Variants in MARK4 observed in about 807,000 individuals in gnomAD.
The protein encoded by MARK4 is MAP/microtubule affinity-regulating kinase 4.
A neutral mutation model predicts 81.5 loss-of-function variants in MARK4; 19 were observed. The ratio of observed to expected loss-of-function variants is 0.23; its 90% CI spans 0.16 to 0.34. The LOEUF (loss-of-function observed/expected upper bound fraction) is 0.34. Among genes scored for constraint, MARK4 ranks in the 10% least tolerant of loss-of-function variants. The pLI, the probability that MARK4 is intolerant of heterozygous loss-of-function variation, is 1.00. For synonymous variants in MARK4, 436 were observed against 439.0 expected, an observed-to-expected ratio of 0.99 and a Z score of 0.08; for missense variants, 772 against 1,058.8, an observed-to-expected ratio of 0.73 and a Z score of 3.76.
intron 14 of MARK4, 56 bp from the exon 15 acceptor site, chr19:45,297,620 C>G: frequency 8.7e-7 from 1 of 1,151,360 alleles, no homozygotes; most frequent in Non-Finnish European, 1.2e-6. Context: ...ATCAAAGGGA[C>G]TGGGGCCCTG....
At position 45,302,290 on chromosome 19, in the gene MARK4, C is replaced by T. The variant is rs344800; in HGVS notation, c.1923-84C>T. On this transcript the variant is annotated intron_variant, in intron 16 of 16. Transcript: ENST00000262891. This position sits in a 1 kb window ranked among gnomAD's most constrained non-coding sequence, Gnocchi z 4.9. ...TGAGGGGATGGCTAGGAATGTGTCC[C>T]GAATTGGGAAGAGTTGTCCCTTCAG... is the stretch of plus-strand genomic sequence containing the variant. 4,747 of 1,594,556 alleles carry T rather than the reference C, an allele frequency of 3.0e-3. 95 individuals carry two copies. The African/African-American group carries it at 0.052, about 17-fold the overall frequency.
chr19:45,287,380 C>A, intron 12 of MARK4, 67 bp from the exon 13 acceptor site: 1 of 1,141,594 alleles, frequency 8.8e-7, no homozygotes, highest in Non-Finnish European at 1.2e-6. Context: ...CAGGTTCCAA[C>A]GATCCCCCAG....
Position 45,258,763 on chromosome 19 carries a change from G to A in MARK4, c.52-226G>A, listed in dbSNP as rs544024740. On this transcript the variant is annotated intron_variant, in intron 1 of 16. Coordinates refer to ENST00000262891, the MANE Select transcript of MARK4 (RefSeq NM_001199867.2). Reference sequence around the variant, plus strand: ...GACTGCAGTGAGGGTTGAAGAAGGGGTGTGATGCCTGGGGCCCTGAATGTT... The same window carrying A: ...GACTGCAGTGAGGGTTGAAGAAGGGATGTGATGCCTGGGGCCCTGAATGTT... 12 of 557,034 alleles carry A rather than the reference G, an allele frequency of 2.2e-5. No homozygotes were observed. In the South Asian group the frequency reaches 2.5e-4, roughly 12 times the overall value. The allele number at this position is 557,034 out of a possible 1,614,324, so 34.5% of individuals were successfully genotyped here. A position where few individuals can be genotyped will look rare whatever the true frequency, so the allele number is the denominator to read the frequency against.
At position 45,302,443 on chromosome 19, in the gene MARK4, G is replaced by T; in HGVS notation, c.1992G>T (p.Leu664=). The change falls in exon 17 of 17, where the codon CTG becomes CTT. Residue 664 remains leucine (L), a synonymous_variant. Transcript: ENST00000262891. This position sits in a 1 kb window ranked among gnomAD's most constrained non-coding sequence, Gnocchi z 4.9. ...RLLRFPWSVK[L]TSSRPPEALM... Reference sequence around the variant, plus strand: ...TCCGATTCCCCTGGAGTGTGAAGCTGACCAGCTCGCGCCCTCCTGAGGCCC... The same window carrying T: ...TCCGATTCCCCTGGAGTGTGAAGCTTACCAGCTCGCGCCCTCCTGAGGCCC... The T allele has an allele frequency of 6.2e-7, 1 of 1,613,896 alleles. No homozygotes were observed. The highest frequency in any genetic ancestry group is 1.1e-5 in the South Asian group (1 of 91,078).
At position 45,287,544 on chromosome 19, in the gene MARK4, C is replaced by T; in HGVS notation, c.1374C>T (p.Ser458=). 1.3e-6 allele frequency: 2 copies of T among 1,583,514 alleles called. No homozygotes were observed. Among genetic ancestry groups the T allele is most frequent in the Non-Finnish European group, 1.7e-6 (2 of 1,163,070 alleles). ...KEERLPGRKA[S]CSTAGSGSRG... ...AGCGGCTGCCAGGCCGGAAGGCGAG[C>T]TGCAGCACCGCGGGGAGTGGGAGTC... The change falls in exon 13 of 17, where the codon AGC becomes AGT. Residue 458 remains serine, a synonymous_variant. Transcript: ENST00000262891.
chr19:45,251,984 C>T (rs930657245), intron 1 of MARK4, among the ~76,000 whole-genome samples: 1 of 151,138 alleles, frequency 6.6e-6, no homozygotes, highest in Admixed American at 6.6e-5. Flanking sequence ...CGTCCGCGTC[C>T]GACACCTCGC....
At chr19:45,251,867 C>T (rs1970246558) in intron 1 of MARK4, among the ~76,000 whole-genome samples, 1 of 151,940 alleles carries the variant, frequency 6.6e-6, no homozygotes. Context: ...CTCTTGTCCC[C>T]GTGCAGACCG....
In MARK4 at chr19:45,268,445, G is replaced by A. The variant is rs1024966826; in HGVS notation, c.549+2164G>A. Among the ~76,000 whole-genome samples the A allele has an allele frequency of 4.7e-4, 72 of 152,078 alleles. 1 individual carries two copies. The highest frequency in any genetic ancestry group is 1.6e-3 in the African/African-American group (68 of 41,502). On this transcript the variant is annotated intron_variant, in intron 7 of 16. Coordinates refer to ENST00000262891, the MANE Select transcript of MARK4 (RefSeq NM_001199867.2). ...CTAAAAATACAAAAATTAGGTGGTC[G>A]TTGTGGCGCGTGCCTATAATTCCAG...
intron 13 of MARK4, among the ~76,000 whole-genome samples, chr19:45,288,916 T>C (rs1970785592): frequency 6.7e-6 from 1 of 149,984 alleles, no homozygotes; most frequent in Non-Finnish European, 1.5e-5. Context: ...TCTTCCGGCA[T>C]CTACATTCGG....
chr19:45,271,499 G>A lies in MARK4; in HGVS notation c.577G>A (p.Ala193Thr). 1 of 1,614,196 alleles carries A rather than the reference G, an allele frequency of 6.2e-7. No individual in the cohort carries two copies. ...KAENLLLDAE[A>T]NIKIADFGFS... The stretch of plus-strand genomic sequence containing the variant: ...TGAGAACCTCTTGCTGGATGCCGAG[G>A]CCAACATCAAGATTGCTGACTTTGG... The change falls in exon 8 of 17, where the codon GCC (alanine) becomes ACC (threonine). Residue 193 changes from alanine (A) to threonine (T), a missense_variant. Physicochemically the swap from Ala to Thr is moderately conservative, Grantham distance 58. This residue lies in a region of MARK4 where 109 missense variants were observed against 294.7 expected (regional missense o/e 0.37). Transcript: ENST00000262891. The surrounding 1 kb of genome is among the most constrained non-coding windows in gnomAD (Gnocchi z 4.1).
rs765644651 is a variant in MARK4, at chr19:45,264,654, A to T, written c.356-30A>T. The T allele has an allele frequency of 3.1e-6, 5 of 1,608,930 alleles. No individual in the cohort carries two copies. The South Asian group carries it at 5.5e-5, about 18-fold the overall frequency. On this transcript the variant is annotated intron_variant, in intron 4 of 16. Coordinates refer to ENST00000262891, the MANE Select transcript of MARK4 (RefSeq NM_001199867.2). Reference sequence around the variant, plus strand: ...AGGTTAGGAGGGGCCCTTTCTCCCTAATGCCCTACACTGTTCCCAACCATT... The same window carrying T: ...AGGTTAGGAGGGGCCCTTTCTCCCTTATGCCCTACACTGTTCCCAACCATT...
chr19:45,290,264 G>C (rs1473058375), intron 13 of MARK4, among the ~76,000 whole-genome samples: 1 of 152,274 alleles, frequency 6.6e-6, no homozygotes, highest in African/African-American at 2.4e-5. Flanking sequence ...CTGCATGGCT[G>C]TTTGCGAGGT....
chr19:45,280,835 T>C, intron 12 of MARK4, 101 bp downstream of exon 12: 4 of 1,497,628 alleles, frequency 2.7e-6, no homozygotes, highest in South Asian at 2.5e-5. Context: ...AGAAACCCAC[T>C]GGAGCTAACC....
rs1970662658 is a variant in MARK4 at position 45,280,691 on chromosome 19, T to C, written c.1233T>C (p.Ser411=). The part of the protein sequence containing the change: ...KGTSHSKGQR[S]SSSTYHRQRR... Reference sequence around the variant, plus strand: ...CCAGCCACAGCAAAGGGCAGCGGAGTTCCTCTTCCACCTACCACCGCCAGC... The same window carrying C: ...CCAGCCACAGCAAAGGGCAGCGGAGCTCCTCTTCCACCTACCACCGCCAGC... The change falls in exon 12 of 17, where the codon AGT becomes AGC. Residue 411 remains serine (S), a synonymous_variant. Transcript: ENST00000262891. The C allele has an allele frequency of 6.2e-7, 1 of 1,613,806 alleles. No individual in the cohort carries two copies. The highest frequency in any genetic ancestry group is 8.5e-7 in the Non-Finnish European group (1 of 1,179,960).
At chr19:45,294,849 C>G (rs1045754939) in intron 14 of MARK4, among the ~76,000 whole-genome samples, 2 of 152,060 alleles carry the variant, frequency 1.3e-5, no homozygotes, top group Non-Finnish European at 2.9e-5. Context: ...CCAGTTCAGA[C>G]TGGCTGGAGC....
At chr19:45,295,146 G>A (rs998745499) in intron 14 of MARK4, among the ~76,000 whole-genome samples, 8 of 151,058 alleles carry the variant, frequency 5.3e-5, no homozygotes, top group African/African-American at 1.7e-4. Flanking sequence ...TCAGGAGATC[G>A]AGACCATCCT....
Position 45,302,694 on chromosome 19 carries a change from A to G in MARK4, c.2243A>G (p.Asn748Ser), listed in dbSNP as rs756693005. Residue 748 changes from asparagine to serine, a missense_variant, in exon 17 of 17, where the codon AAC (asparagine) becomes AGC (serine). Transcript: ENST00000262891. This position sits in a 1 kb window ranked among gnomAD's most constrained non-coding sequence, Gnocchi z 4.9. ...CGCACCCTCGTCACCCGCATCTCCA[A>G]CGACCTCGAGCTCTGAGCCACCACG... is the stretch of plus-strand genomic sequence containing the variant. ...AFRTLVTRIS[N>S]DLEL is the part of the protein sequence containing the mutation. 3.5e-5 allele frequency: 54 copies of G among 1,536,188 alleles called. 1 individual carries two copies. In the Middle Eastern group the frequency reaches 8.3e-4, roughly 24 times the overall value.
Position 45,302,798 on chromosome 19 carries a change from C to T in MARK4, c.*88C>T. 1.3e-6 allele frequency: 2 copies of T among 1,485,068 alleles called. No homozygotes were observed. The highest frequency in any genetic ancestry group is 1.8e-6 in the Non-Finnish European group (2 of 1,116,948). The allele number at this position is 1,485,068 out of a possible 1,614,324, so 92.0% of individuals were successfully genotyped here. On this transcript the variant is annotated 3_prime_UTR_variant, in exon 17 of 17. Transcript: ENST00000262891. This position sits in a 1 kb window ranked among gnomAD's most constrained non-coding sequence, Gnocchi z 4.9. ...GGAAGGGGCCAGGGAGGGGATTCTC[C>T]CTTTATCATCACCTCAGTTTCCCTG... is the stretch of plus-strand genomic sequence containing the variant.
intron 10 of MARK4, chr19:45,280,079 T>A (rs1303637658): frequency 2.5e-5 from 9 of 353,348 alleles, no homozygotes; most frequent in Non-Finnish European, 4.8e-5. Flanking sequence ...CCAGGTGCAG[T>A]GGCTTATGCC....
Sources: allele counts gnomAD v4.1 joint callset (sites outside exome capture counted in the v4.1 genomes callset), GRCh38; gene constraint gnomAD v4.1.1; regional missense constraint gnomAD v4.1.1; non-coding constraint Gnocchi (gnomAD v3.1); transcripts MANE v1.5; gene names NCBI Gene and HGNC (gene_info 2026-07-23, HGNC 2026-07-21).